Variants in YEATS2 observed in about 807,000 individuals in gnomAD.
The protein encoded by YEATS2 is YEATS domain-containing protein 2.
YEATS2 carries 77 observed loss-of-function variants against 163.2 expected under a neutral mutation model. That is an observed-to-expected ratio of 0.47 (90% CI 0.39 to 0.57). The LOEUF (loss-of-function observed/expected upper bound fraction) is 0.57. Among genes scored for constraint, YEATS2 ranks in the 20% least tolerant of loss-of-function variants. YEATS2 has a pLI of 0.00. For synonymous variants in YEATS2, 631 were observed against 645.1 expected, an observed-to-expected ratio of 0.98 and a Z score of 0.33; for missense variants, 1,549 against 1,729.8, an observed-to-expected ratio of 0.90 and a Z score of 1.85.
intron 13 of YEATS2, among the ~76,000 whole-genome samples, chr3:183,760,313 A>AGTTTTTTTTT (rs1283432086): frequency 9.1e-6 from 1 of 110,314 alleles, no homozygotes; most frequent in Non-Finnish European, 1.8e-5. Flanking sequence ...AAACTACAGA[A>AGTTTTTTTTT]TTTTTTTTTT....
intron 9 of YEATS2, among the ~76,000 whole-genome samples, chr3:183,748,517 C>T (rs575497068): frequency 3.3e-5 from 5 of 152,250 alleles, no homozygotes; most frequent in South Asian, 2.1e-4. Context: ...GTGATCCACC[C>T]GCTTTGGCCT....
rs1228816869 is a variant in YEATS2 at position 183,754,317 on chromosome 3, C to T, written c.1342C>T (p.Pro448Ser). ...AAGTCAGGTTCCTAATCCTGAGTCACCTGGAAAATCCTTCCAGCCCATCAC... is the reference window on the plus strand; with the variant it reads ...AAGTCAGGTTCCTAATCCTGAGTCATCTGGAAAATCCTTCCAGCCCATCAC... ...PQSQVPNPES[P>S]GKSFQPITMS... The change falls in exon 11 of 31, where the codon CCT becomes TCT. Residue 448 changes from proline to serine, a missense_variant. Physicochemically the swap from Pro to Ser is moderately conservative, Grantham distance 74. Coordinates refer to ENST00000305135, the MANE Select transcript of YEATS2 (RefSeq NM_018023.5). The T allele has an allele frequency of 6.2e-6, 10 of 1,613,906 alleles. No homozygotes were observed. The highest frequency in any genetic ancestry group is 8.5e-6 in the Non-Finnish European group (10 of 1,179,964).
chr3:183,786,062 A>G, intron 19 of YEATS2, 63 bp from the exon 20 acceptor site: 1 of 1,544,216 alleles, frequency 6.5e-7, no homozygotes, highest in Non-Finnish European at 8.8e-7. Context: ...GCTGTCAGTA[A>G]GGAATGAGTT....
chr3:183,722,442 C>T (rs1362957871), intron 5 of YEATS2, among the ~76,000 whole-genome samples: 2 of 151,922 alleles, frequency 1.3e-5, no homozygotes, highest in African/African-American at 2.4e-5. Flanking sequence ...GTGTGTGCCA[C>T]CACGCCCGGC....
At chr3:183,722,731 C>T (rs1716657445) in intron 5 of YEATS2, among the ~76,000 whole-genome samples, 1 of 152,176 alleles carries the variant, frequency 6.6e-6, no homozygotes, top group Admixed American at 6.5e-5. Context: ...CGGCTCATTG[C>T]CACCTCTGTC....
intron 24 of YEATS2, 41 bp downstream of exon 24, chr3:183,800,609 T>G: frequency 5.2e-6 from 8 of 1,544,964 alleles, no homozygotes; most frequent in Non-Finnish European, 7.1e-6. Context: ...CCGCTTCGGG[T>G]GTTTGTCACG....
intron 6 of YEATS2, among the ~76,000 whole-genome samples, chr3:183,726,042 T>C (rs944372425): frequency 1.3e-5 from 2 of 151,840 alleles, no homozygotes; most frequent in South Asian, 4.1e-4. Flanking sequence ...GGCGTAATAC[T>C]CTTATTATCC....
At chr3:183,793,850 T>C (rs2108494438) in intron 21 of YEATS2, among the ~76,000 whole-genome samples, 2 of 152,240 alleles carry the variant, frequency 1.3e-5, no homozygotes, top group East Asian at 3.9e-4. Context: ...CAACCTCAGG[T>C]GATCCGCCCG....
chr3:183,777,834 C>T (rs964494728), intron 19 of YEATS2, 134 bp downstream of exon 19: 23 of 1,252,000 alleles, frequency 1.8e-5, no homozygotes, highest in Non-Finnish European at 2.3e-5. Context: ...CAGGAGTGGT[C>T]GCTCACGTCT....
chr3:183,752,722 A>G (rs181877319), intron 10 of YEATS2, among the ~76,000 whole-genome samples: 1 of 151,480 alleles, frequency 6.6e-6, no homozygotes, highest in Non-Finnish European at 1.5e-5. Flanking sequence ...AAAAAAAAAA[A>G]AAATTTCCAT....
chr3:183,778,654 T>C (rs1723255927), intron 19 of YEATS2, among the ~76,000 whole-genome samples: 1 of 151,868 alleles, frequency 6.6e-6, no homozygotes, highest in Admixed American at 6.6e-5. Context: ...CTCCTGGCCT[T>C]GTTTAGAGTT....
At chr3:183,734,996 C>CT (rs1402269025) in intron 7 of YEATS2, among the ~76,000 whole-genome samples, 1 of 152,002 alleles carries the variant, frequency 6.6e-6, no homozygotes, top group African/African-American at 2.4e-5. Flanking sequence ...GTCTTAGATT[C>CT]TTTTTTTGCT....
intron 25 of YEATS2, 90 bp downstream of exon 25, chr3:183,801,618 T>A: frequency 1.0e-6 from 1 of 1,001,672 alleles, no homozygotes; most frequent in South Asian, 1.7e-5. Context: ...GGATTGTAAA[T>A]TAATATTGAT....
chr3:183,809,699 A>G (rs1421945718), intron 30 of YEATS2, among the ~76,000 whole-genome samples: 1 of 152,140 alleles, frequency 6.6e-6, no homozygotes, highest in African/African-American at 2.4e-5. Context: ...GTTGTCTTTG[A>G]TTAAGACACT....
chr3:183,698,830 G>T lies in YEATS2; in HGVS notation c.-20+837G>T, dbSNP rs192380442. ...TTTCCCCTTTCTTAATGAGTAGAGG[G>T]TATTCAGCGTAGAAAAATTTAAAAA... On this transcript the variant is annotated intron_variant, in intron 1 of 30. Transcript: ENST00000305135. Among the ~76,000 whole-genome samples the T allele has an allele frequency of 5.9e-5, 9 of 152,172 alleles. No homozygotes were observed. In the East Asian group the frequency reaches 1.7e-3, roughly 29 times the overall value.
At chr3:183,716,033 C>T (rs970037226) in intron 2 of YEATS2, among the ~76,000 whole-genome samples, 5 of 152,028 alleles carry the variant, frequency 3.3e-5, no homozygotes, top group African/African-American at 1.2e-4. Context: ...GATCTCGGCT[C>T]ACTGCAAGCT....
intron 1 of YEATS2, among the ~76,000 whole-genome samples, chr3:183,700,886 G>A (rs1714009809): frequency 6.6e-6 from 1 of 151,982 alleles, no homozygotes; most frequent in East Asian, 1.9e-4. Flanking sequence ...GTTGCCAGGG[G>A]GATGAAGGGA....
chr3:183,781,951 A>G (rs1385361388), intron 19 of YEATS2, among the ~76,000 whole-genome samples: 2 of 151,948 alleles, frequency 1.3e-5, no homozygotes, highest in African/African-American at 4.8e-5. Context: ...TGTTTCTTTC[A>G]CCATAGATTA....
At chr3:183,742,783 A>C (rs1719112251) in intron 8 of YEATS2, among the ~76,000 whole-genome samples, 1 of 152,254 alleles carries the variant, frequency 6.6e-6, no homozygotes, top group African/African-American at 2.4e-5. Flanking sequence ...ATTGAATGCT[A>C]CAGAGAAATC....
Sources: allele counts gnomAD v4.1 joint callset (sites outside exome capture counted in the v4.1 genomes callset), GRCh38; gene constraint gnomAD v4.1.1; transcripts MANE v1.5; gene names NCBI Gene and HGNC (gene_info 2026-07-23, HGNC 2026-07-21).